Variants in ST6GALNAC3 observed in about 807,000 individuals in gnomAD.
The protein encoded by ST6GALNAC3 is ST6 N-acetylgalactosaminide alpha-2,6-sialyltransferase 3.
A neutral mutation model predicts 32.7 loss-of-function variants in ST6GALNAC3; 25 were observed. The ratio of observed to expected loss-of-function variants is 0.76; its 90% CI spans 0.56 to 1.07. The LOEUF (loss-of-function observed/expected upper bound fraction) is 1.07, where lower values mean the gene tolerates loss of function less well. Ranked by LOEUF, ST6GALNAC3 falls within the 50% of genes least tolerant of loss-of-function variation. The pLI is 0.00. For missense variants in ST6GALNAC3, 355 were observed against 382.4 expected (o/e 0.93, Z 0.60); for synonymous variants, 129 against 133.1 (o/e 0.97, Z 0.21).
intron 3 of ST6GALNAC3, among the ~76,000 whole-genome samples, chr1:76,416,635 T>G (rs1557869272): frequency 6.8e-6 from 1 of 146,426 alleles, no homozygotes; most frequent in African/African-American, 2.5e-5. Flanking sequence ...TTGTTTTTTT[T>G]TTTTTTTTTT....
At chr1:76,239,812 C>A (rs1656868530) in intron 1 of ST6GALNAC3, among the ~76,000 whole-genome samples, 1 of 152,186 alleles carries the variant, frequency 6.6e-6, no homozygotes, top group African/African-American at 2.4e-5. Context: ...CCAACCACAA[C>A]TTTGTTATGA....
chr1:76,295,443 C>T (rs187755823), intron 1 of ST6GALNAC3, among the ~76,000 whole-genome samples: 16 of 152,108 alleles, frequency 1.1e-4, no homozygotes, highest in Non-Finnish European at 1.9e-4. Context: ...TCAGTGGAGT[C>T]TCTGTAGTTG....
chr1:76,133,500 T>A (rs1364359913), intron 1 of ST6GALNAC3, among the ~76,000 whole-genome samples: 2 of 152,176 alleles, frequency 1.3e-5, no homozygotes, highest in Admixed American at 6.6e-5. Flanking sequence ...ATATGACCCA[T>A]TGGCCCAAGT....
intron 1 of ST6GALNAC3, among the ~76,000 whole-genome samples, chr1:76,297,401 A>G (rs547732106): frequency 6.6e-6 from 1 of 152,096 alleles, no homozygotes; most frequent in Admixed American, 6.6e-5. Context: ...AGCCAGGGGT[A>G]TGTTGTCCTT....
intron 2 of ST6GALNAC3, among the ~76,000 whole-genome samples, chr1:76,316,825 G>A (rs1646875089): frequency 6.6e-6 from 1 of 152,084 alleles, no homozygotes; most frequent in African/African-American, 2.4e-5. Flanking sequence ...CAGGAAGGAT[G>A]TTTATTTACC....
chr1:76,468,098 CTTCTT>C (rs1350769663), intron 3 of ST6GALNAC3, among the ~76,000 whole-genome samples: 2 of 151,816 alleles, frequency 1.3e-5, no homozygotes, highest in Admixed American at 1.3e-4. Context: ...TCCTTCTCTC[CTTCTT>C]TTCTTTCTTT....
At chr1:76,337,832 T>A (rs1282704800) in intron 2 of ST6GALNAC3, among the ~76,000 whole-genome samples, 1 of 152,148 alleles carries the variant, frequency 6.6e-6, no homozygotes, top group Non-Finnish European at 1.5e-5. Flanking sequence ...GTGATTGGGA[T>A]CTACGTCTAG....
At chr1:76,451,415 G>A (rs919942769) in intron 3 of ST6GALNAC3, among the ~76,000 whole-genome samples, 4 of 152,144 alleles carry the variant, frequency 2.6e-5, no homozygotes, top group Non-Finnish European at 5.9e-5. Context: ...CACAAGAACA[G>A]CATGGGAGAA....
At chr1:76,142,886 G>T in intron 1 of ST6GALNAC3, 1 of 455,180 alleles carries the variant, frequency 2.2e-6, no homozygotes, top group Non-Finnish European at 4.4e-6. Context: ...GCCACATTGG[G>T]TCAATTCACA....
intron 2 of ST6GALNAC3, among the ~76,000 whole-genome samples, chr1:76,397,888 T>C (rs975067694): frequency 6.6e-6 from 1 of 152,174 alleles, no homozygotes; most frequent in East Asian, 1.9e-4. Context: ...TTAGTTCTAA[T>C]AGTTTTTCTC....
At chr1:76,133,046 C>T (rs1456633556) in intron 1 of ST6GALNAC3, among the ~76,000 whole-genome samples, 1 of 152,106 alleles carries the variant, frequency 6.6e-6, no homozygotes, top group Non-Finnish European at 1.5e-5. Context: ...GTTAGTTATT[C>T]TCTGTGATGT....
chr1:76,391,545 TTCCTTCC>T lies in ST6GALNAC3; in HGVS notation c.214-20461_214-20455del, dbSNP rs1652556728. On this transcript the variant is annotated intron_variant, in intron 2 of 4. Transcript: ENST00000328299. ...AGACCTTCCTTCCTTCCTTCCTTCC[TTCCTTCC>T]TTCCTTCCTTCCTTCCTTCCTCCCA... 2.7e-5 allele frequency among the ~76,000 whole-genome samples: 4 copies of T among 150,896 alleles called. No individual in the cohort carries two copies. In the South Asian group the frequency reaches 8.5e-4, roughly 32 times the overall value.
chr1:76,563,520 C>T (rs1197699403), intron 3 of ST6GALNAC3, among the ~76,000 whole-genome samples: 1 of 152,216 alleles, frequency 6.6e-6, no homozygotes, highest in Non-Finnish European at 1.5e-5. Context: ...TTCAAATCAG[C>T]AGCACCTTGA....
At chr1:76,264,367 G>T (rs1485727770) in intron 1 of ST6GALNAC3, among the ~76,000 whole-genome samples, 1 of 152,092 alleles carries the variant, frequency 6.6e-6, no homozygotes, top group African/African-American at 2.4e-5. Context: ...GGTGTTATTA[G>T]TTTAAACCTT....
intron 2 of ST6GALNAC3, among the ~76,000 whole-genome samples, chr1:76,381,187 G>GAA (rs71588872): frequency 1.8e-4 from 22 of 121,250 alleles, no homozygotes; most frequent in Admixed American, 1.2e-3. Flanking sequence ...AAAAAAAAAA[G>GAA]AAAAAAAAAA....
At chr1:76,142,756 T>A (rs1383687419) in intron 1 of ST6GALNAC3, 1 of 421,594 alleles carries the variant, frequency 2.4e-6, no homozygotes, top group Non-Finnish European at 4.7e-6. Context: ...CCAGCTGTGG[T>A]TATCTGGAGA....
intron 3 of ST6GALNAC3, among the ~76,000 whole-genome samples, chr1:76,579,813 C>G (rs1646866261): frequency 6.6e-6 from 1 of 151,886 alleles, no homozygotes; most frequent in Non-Finnish European, 1.5e-5. Context: ...GTGGGGTTTT[C>G]TTTTGATAAG....
intron 1 of ST6GALNAC3, among the ~76,000 whole-genome samples, chr1:76,112,027 G>A (rs1174517844): frequency 6.6e-6 from 1 of 151,098 alleles, no homozygotes; most frequent in Non-Finnish European, 1.5e-5. Flanking sequence ...GGGCAGAGGC[G>A]CCCCTCACCT....
At chr1:76,582,215 A>G (rs1333312494) in intron 3 of ST6GALNAC3, among the ~76,000 whole-genome samples, 4 of 152,180 alleles carry the variant, frequency 2.6e-5, no homozygotes, top group Non-Finnish European at 5.9e-5. Flanking sequence ...AGATTTTAGT[A>G]GAACTTAATT....
Sources: gnomAD v4.1 joint callset for allele counts (sites outside exome capture counted in the v4.1 genomes callset) on GRCh38, gnomAD v4.1.1 for gene constraint, MANE v1.5 for transcripts, NCBI Gene and HGNC (gene_info 2026-07-23, HGNC 2026-07-21) for gene names.